Variants in CAPN7 observed in about 807,000 individuals in gnomAD.
The protein encoded by CAPN7 is calpain-7.
In CAPN7, 72 loss-of-function variants were observed where a neutral mutation model predicts 115.2. The observed-to-expected ratio is 0.63, with a 90% CI of 0.52 to 0.76. The LOEUF (loss-of-function observed/expected upper bound fraction) is 0.76. CAPN7 is among the 30% of genes least tolerant of loss of function. The pLI is 0.00. For synonymous variants in CAPN7, 344 were observed against 322.3 expected, an observed-to-expected ratio of 1.07 and a Z score of -0.72; for missense variants, 905 against 971.5, an observed-to-expected ratio of 0.93 and a Z score of 0.91.
chr3:15,230,353 G>A (rs1166123512), intron 8 of CAPN7, 89 bp from the exon 9 acceptor site: 3 of 731,122 alleles, frequency 4.1e-6, no homozygotes, highest in South Asian at 2.3e-5. Flanking sequence ...TTGCCAAGAC[G>A]GTAGTATATA....
At position 15,251,104 on chromosome 3, in the gene CAPN7, C is replaced by T. The variant is rs375428193; in HGVS notation, c.2298-12C>T. The stretch of plus-strand genomic sequence containing the variant: ...CTTCTATAAACCTTATTCTCATTTT[C>T]TCTAAATATAGGTGTGGGTTTTGCT... On this transcript the variant is annotated splice_polypyrimidine_tract_variant and intron_variant, in intron 20 of 20. Coordinates refer to ENST00000253693, the MANE Select transcript of CAPN7 (RefSeq NM_014296.3). 202 of 1,600,896 alleles carry T rather than the reference C, an allele frequency of 1.3e-4. No individual in the cohort carries two copies. The highest frequency in any genetic ancestry group is 1.5e-4 in the Non-Finnish European group (174 of 1,173,822).
rs376404067 is a variant in CAPN7 at position 15,230,589 on chromosome 3, T to C, written c.1032+54T>C. On this transcript the variant is annotated intron_variant, in intron 9 of 20. Coordinates refer to ENST00000253693, the MANE Select transcript of CAPN7 (RefSeq NM_014296.3). Reference sequence around the variant, plus strand: ...CCTTGTCTCTCTCCGTTCCCTACCTTTGAATCTTGAGTGAAATCATTAAGA... The same window carrying C: ...CCTTGTCTCTCTCCGTTCCCTACCTCTGAATCTTGAGTGAAATCATTAAGA... 2.0e-4 allele frequency: 205 copies of C among 1,032,138 alleles called. 1 individual carries two copies. The African/African-American group carries it at 2.8e-3, about 14-fold the overall frequency. The allele number at this position is 1,032,138 out of a possible 1,614,324, so 63.9% of individuals were successfully genotyped here. A position where few individuals can be genotyped will look rare whatever the true frequency, so the allele number is the denominator to read the frequency against.
Position 15,245,668 on chromosome 3 carries a change from T to A in CAPN7, c.2007T>A (p.Val669=). ...YEKQNTIHYT[V]RVYSACSFTF... is the part of the protein sequence containing the mutation. The stretch of plus-strand genomic sequence containing the variant: ...AACAGAACACAATCCATTACACGGT[T>A]CGGGTAAGTAAAACCAACACACAAT... The change falls in exon 17 of 21, where the codon GTT becomes GTA. Residue 669 remains valine, a synonymous_variant. Coordinates refer to ENST00000253693, the MANE Select transcript of CAPN7 (RefSeq NM_014296.3). 1 of 1,612,586 alleles carries A rather than the reference T, an allele frequency of 6.2e-7. No homozygotes were observed. The highest frequency in any genetic ancestry group is 8.5e-7 in the Non-Finnish European group (1 of 1,179,414).
At chr3:15,249,134 C>T (rs932775367) in intron 19 of CAPN7, among the ~76,000 whole-genome samples, 3 of 151,200 alleles carry the variant, frequency 2.0e-5, no homozygotes, top group Non-Finnish European at 2.9e-5. Context: ...CCATTAGATA[C>T]GAAGATTTGA....
chr3:15,211,808 T>C (rs1044810285), intron 1 of CAPN7, among the ~76,000 whole-genome samples: 21 of 152,004 alleles, frequency 1.4e-4, no homozygotes, highest in African/African-American at 4.8e-4. Flanking sequence ...GGCCCAAGAA[T>C]CACTTGAACC....
chr3:15,228,874 T>C, intron 7 of CAPN7, 100 bp from the exon 8 acceptor site: 5 of 834,982 alleles, frequency 6.0e-6, no homozygotes, highest in South Asian at 1.7e-5. Flanking sequence ...AGAAAAGATA[T>C]TTAGTATAAA....
chr3:15,247,142 A>T (rs1466215813), intron 18 of CAPN7, 185 bp from the exon 19 acceptor site: 3 of 579,178 alleles, frequency 5.2e-6, no homozygotes, highest in Non-Finnish European at 9.0e-6. Flanking sequence ...AGGCTAAGAG[A>T]TGGAAATAGG....
At chr3:15,245,856 T>C in intron 17 of CAPN7, 185 bp downstream of exon 17, 1 of 505,684 alleles carries the variant, frequency 2.0e-6, no homozygotes, top group South Asian at 3.7e-5. Flanking sequence ...TGAAAAGAAA[T>C]GTCTTTATTT....
intron 12 of CAPN7, among the ~76,000 whole-genome samples, chr3:15,238,166 T>TGCAGTG (rs1200338377): frequency 7.7e-6 from 1 of 130,278 alleles, no homozygotes; most frequent in Non-Finnish European, 1.6e-5. Flanking sequence ...CAGGCTGGAG[T>TGCAGTG]GCAGTGGCGC....
intron 2 of CAPN7, among the ~76,000 whole-genome samples, chr3:15,215,200 G>C (rs2045178135): frequency 6.6e-6 from 1 of 152,022 alleles, no homozygotes; most frequent in Non-Finnish European, 1.5e-5. Flanking sequence ...TAAGGCAGAA[G>C]GGTCACTTGA....
intron 8 of CAPN7, among the ~76,000 whole-genome samples, chr3:15,229,261 A>G (rs926307938): frequency 6.6e-6 from 1 of 152,214 alleles, no homozygotes. Context: ...GTTAATATAT[A>G]TGAAATTAAT....
chr3:15,217,493 G>A lies in CAPN7; in HGVS notation c.280G>A (p.Val94Ile). Residue 94 changes from valine (V) to isoleucine (I), a missense_variant, in exon 3 of 21, where the codon GTT becomes ATT. By Grantham distance (29) the Val-to-Ile change is conservative. Around this residue, in one of 3 missense-constraint regions of CAPN7, gnomAD observed 271 missense variants for 239.6 expected, o/e 1.13. Coordinates refer to ENST00000253693, the MANE Select transcript of CAPN7 (RefSeq NM_014296.3). Reference protein sequence around the residue: ...QLDLERAHFLVTQAFDEDEKE... With the variant: ...QLDLERAHFLITQAFDEDEKE... Reference sequence around the variant, plus strand: ...GGACTTAGAGCGTGCTCATTTCCTTGTTACACAAGCTTTTGATGAAGATGA... The same window carrying A: ...GGACTTAGAGCGTGCTCATTTCCTTATTACACAAGCTTTTGATGAAGATGA... 1 of 1,613,700 alleles carries A rather than the reference G, an allele frequency of 6.2e-7. No individual in the cohort carries two copies. The highest frequency in any genetic ancestry group is 8.5e-7 in the Non-Finnish European group (1 of 1,179,854).
chr3:15,229,436 G>C (rs908517373), intron 8 of CAPN7, among the ~76,000 whole-genome samples: 1 of 151,922 alleles, frequency 6.6e-6, no homozygotes, highest in Non-Finnish European at 1.5e-5. Context: ...TAAAATGCAT[G>C]AGATTTTGAA....
At chr3:15,227,142 G>A (rs570477854) in intron 6 of CAPN7, among the ~76,000 whole-genome samples, 6 of 152,158 alleles carry the variant, frequency 3.9e-5, no homozygotes. Context: ...AGGGAAAGGG[G>A]GAAAGGTAGA....
intron 15 of CAPN7, 151 bp downstream of exon 15, chr3:15,241,739 G>A: frequency 1.6e-6 from 1 of 636,932 alleles, no homozygotes; most frequent in Non-Finnish European, 2.6e-6. Flanking sequence ...TTTCCTCTAA[G>A]GAAATTTGTA....
At chr3:15,250,169 TC>T (rs1247818669) in intron 19 of CAPN7, among the ~76,000 whole-genome samples, 4 of 151,124 alleles carry the variant, frequency 2.6e-5, no homozygotes, top group South Asian at 2.1e-4. Context: ...GCCCAGAAGT[TC>T]CAGACCAGCC....
chr3:15,223,040 C>A (rs1415434074), intron 5 of CAPN7, among the ~76,000 whole-genome samples: 1 of 152,206 alleles, frequency 6.6e-6, no homozygotes, highest in East Asian at 1.9e-4. Flanking sequence ...TAGCTGATAT[C>A]TATGACACTT....
intron 1 of CAPN7, among the ~76,000 whole-genome samples, chr3:15,207,200 C>T (rs1280728851): frequency 6.6e-6 from 1 of 152,106 alleles, no homozygotes; most frequent in Admixed American, 6.6e-5. Context: ...GCCTGCGCAG[C>T]GTGTTGCTGT....
At position 15,229,556 on chromosome 3, in the gene CAPN7, T is replaced by TTTTC. The variant is rs1559398828; in HGVS notation, c.938+500_938+501insCTTT. ...TAAAACATCAAAATTGGTTTTACTTTTTTTCTTTTTTTTTTTTTTTTTTTT... is the reference window on the plus strand; with the variant it reads ...TAAAACATCAAAATTGGTTTTACTTTTTTCTTTTCTTTTTTTTTTTTTTTTTTTT... On this transcript the variant is annotated intron_variant, in intron 8 of 20. Transcript: ENST00000253693. 9.3e-4 allele frequency among the ~76,000 whole-genome samples: 113 copies of TTTTC among 122,132 alleles called. 2 individuals carry two copies. Among genetic ancestry groups the TTTTC allele is most frequent in the African/African-American group, 4.9e-3 (101 of 20,416 alleles). The allele number at this position is 122,132 out of a possible 152,430, so 80.1% of individuals were successfully genotyped here.
Sources: gnomAD v4.1 joint callset for allele counts (sites outside exome capture counted in the v4.1 genomes callset) on GRCh38, gnomAD v4.1.1 for gene constraint, gnomAD v4.1.1 regional missense constraint, MANE v1.5 for transcripts, NCBI Gene and HGNC (gene_info 2026-07-23, HGNC 2026-07-21) for gene names.